Variants in SLC35F1 observed in about 807,000 individuals in gnomAD.
SLC35F1 encodes solute carrier family 35 member F1, also known as chromosome 6 open reading frame 169.
Under a neutral mutation model 48.7 loss-of-function variants are expected in SLC35F1, and 14 were observed. The ratio of observed to expected loss-of-function variants is 0.29; its 90% CI spans 0.19 to 0.45. The LOEUF (loss-of-function observed/expected upper bound fraction) is 0.45, where lower values mean the gene tolerates loss of function less well. Ranked by LOEUF, SLC35F1 falls within the 20% of genes least tolerant of loss-of-function variation. SLC35F1 has a pLI of 1.00. For missense variants in SLC35F1, 404 were observed against 500.0 expected (o/e 0.81, Z 1.83); for synonymous variants, 190 against 202.2 (o/e 0.94, Z 0.51).
intron 2 of SLC35F1, among the ~76,000 whole-genome samples, chr6:118,193,817 A>C (rs1020827418): frequency 1.3e-5 from 2 of 152,240 alleles, no homozygotes; most frequent in Admixed American, 6.5e-5. Flanking sequence ...GCTGTAAAGC[A>C]GGAAAGATGA....
intron 1 of SLC35F1, among the ~76,000 whole-genome samples, chr6:118,000,787 C>T (rs1457718767): frequency 4.6e-5 from 7 of 152,152 alleles, no homozygotes; most frequent in Non-Finnish European, 8.8e-5. Flanking sequence ...AAATCACAAG[C>T]ATTCTTATAC....
At chr6:118,039,646 A>C (rs1260234266) in intron 1 of SLC35F1, among the ~76,000 whole-genome samples, 2 of 151,866 alleles carry the variant, frequency 1.3e-5, no homozygotes, top group Non-Finnish European at 2.9e-5. Context: ...TTTTTTAAAA[A>C]ATTGCATGCA....
At chr6:117,952,121 T>C (rs1014392381) in intron 1 of SLC35F1, among the ~76,000 whole-genome samples, 2 of 152,210 alleles carry the variant, frequency 1.3e-5, no homozygotes, top group Admixed American at 6.5e-5. Context: ...ATAGCTTCCA[T>C]GGTGTGATCT....
intron 1 of SLC35F1, among the ~76,000 whole-genome samples, chr6:118,006,371 C>G (rs993739037): frequency 6.6e-6 from 1 of 152,020 alleles, no homozygotes; most frequent in Non-Finnish European, 1.5e-5. Flanking sequence ...AATCCCAGCA[C>G]GTTGGGAAGC....
intron 6 of SLC35F1, among the ~76,000 whole-genome samples, chr6:118,281,427 C>T (rs557618496): frequency 6.6e-6 from 1 of 152,212 alleles, no homozygotes; most frequent in East Asian, 1.9e-4. Flanking sequence ...TTACCCTTTC[C>T]TCTGCTCTGC....
At chr6:117,979,572 C>G (rs1776748609) in intron 1 of SLC35F1, among the ~76,000 whole-genome samples, 1 of 152,180 alleles carries the variant, frequency 6.6e-6, no homozygotes, top group Non-Finnish European at 1.5e-5. Flanking sequence ...AATCAGCATA[C>G]TGGTATGTTC....
chr6:118,108,321 T>G (rs571513621), intron 1 of SLC35F1, among the ~76,000 whole-genome samples: 30 of 152,304 alleles, frequency 2.0e-4, no homozygotes, highest in Non-Finnish European at 4.0e-4. Context: ...AAGTCTTGTT[T>G]ATCACACTCA....
At chr6:118,106,375 T>C (rs1318460610) in intron 1 of SLC35F1, among the ~76,000 whole-genome samples, 1 of 152,202 alleles carries the variant, frequency 6.6e-6, no homozygotes, top group Non-Finnish European at 1.5e-5. Flanking sequence ...TGCTTTCTCA[T>C]TTTCCTGATG....
At chr6:117,988,030 G>A (rs1037749051) in intron 1 of SLC35F1, among the ~76,000 whole-genome samples, 4 of 151,928 alleles carry the variant, frequency 2.6e-5, no homozygotes, top group African/African-American at 9.7e-5. Flanking sequence ...AGAGAGGAGA[G>A]CCCAGAAAAC....
intron 1 of SLC35F1, among the ~76,000 whole-genome samples, chr6:118,086,230 G>A (rs962838194): frequency 7.2e-5 from 11 of 152,122 alleles, no homozygotes; most frequent in African/African-American, 2.4e-4. Context: ...AATTGCTGTC[G>A]AACTGTCCAT....
intron 2 of SLC35F1, among the ~76,000 whole-genome samples, chr6:118,205,087 C>T (rs1327131745): frequency 6.6e-6 from 1 of 152,186 alleles, no homozygotes; most frequent in Non-Finnish European, 1.5e-5. Context: ...AGATGTTACT[C>T]TTCTCTCCTG....
chr6:118,263,794 A>G (rs905696244), intron 3 of SLC35F1, among the ~76,000 whole-genome samples: 2 of 152,146 alleles, frequency 1.3e-5, no homozygotes, highest in Non-Finnish European at 2.9e-5. Context: ...CTGTTGAAAA[A>G]TTATTTTGTC....
intron 1 of SLC35F1, among the ~76,000 whole-genome samples, chr6:118,012,395 A>C (rs1777262032): frequency 2.0e-5 from 3 of 152,008 alleles, no homozygotes; most frequent in Admixed American, 2.0e-4. Flanking sequence ...GAGAGTCTTC[A>C]TAGTGGCAGC....
intron 1 of SLC35F1, among the ~76,000 whole-genome samples, chr6:117,954,693 C>T (rs1353880384): frequency 6.6e-6 from 1 of 152,194 alleles, no homozygotes; most frequent in East Asian, 1.9e-4. Flanking sequence ...CTACTGCATC[C>T]TAACATTTGA....
chr6:118,314,333 G>T lies in SLC35F1; in HGVS notation c.*81G>T. ...ATCTCTGTATTGTACATAGAGAAAG[G>T]TATTTACTAGGTGCAGTTTACACAG... On this transcript the variant is annotated 3_prime_UTR_variant, in exon 8 of 8. Transcript: ENST00000360388. The T allele has an allele frequency of 7.9e-7, 1 of 1,263,456 alleles. No individual in the cohort carries two copies. Among genetic ancestry groups the T allele is most frequent in the Non-Finnish European group, 1.1e-6 (1 of 883,384 alleles). 78.3% of individuals were successfully genotyped at this position (1,263,456 alleles called of 1,614,324 possible).
intron 1 of SLC35F1, among the ~76,000 whole-genome samples, chr6:117,910,208 T>C (rs1382538568): frequency 6.6e-6 from 1 of 152,190 alleles, no homozygotes; most frequent in East Asian, 1.9e-4. Context: ...ATAGTGGCTA[T>C]AGAGTGATTA....
intron 2 of SLC35F1, among the ~76,000 whole-genome samples, chr6:118,232,902 C>G (rs940023373): frequency 6.6e-6 from 1 of 152,022 alleles, no homozygotes; most frequent in Non-Finnish European, 1.5e-5. Context: ...AATGCACAGG[C>G]CCCCACCCAA....
chr6:118,295,129 C>T (rs1749806632), intron 7 of SLC35F1, among the ~76,000 whole-genome samples: 1 of 152,080 alleles, frequency 6.6e-6, no homozygotes, highest in African/African-American at 2.4e-5. Context: ...TATATCTATC[C>T]CATATGTGCC....
intron 1 of SLC35F1, among the ~76,000 whole-genome samples, chr6:118,143,223 T>G (rs1284138793): frequency 2.0e-5 from 3 of 152,234 alleles, no homozygotes; most frequent in African/African-American, 7.2e-5. Context: ...TGTTTTTATT[T>G]ATTCAATAGA....
Sources: allele counts gnomAD v4.1 joint callset (sites outside exome capture counted in the v4.1 genomes callset), GRCh38; gene constraint gnomAD v4.1.1; transcripts MANE v1.5; gene names NCBI Gene and HGNC (gene_info 2026-07-23, HGNC 2026-07-21).